RAB6B: variants seen among roughly 807,000 people sequenced by gnomAD.
The protein encoded by RAB6B is RAB6B, member RAS oncogene family.
A neutral mutation model predicts 31.2 loss-of-function variants in RAB6B; 7 were observed. The ratio of observed to expected loss-of-function variants is 0.22; its 90% CI spans 0.13 to 0.42. The LOEUF is 0.42. Among genes scored for constraint, RAB6B ranks in the 10% least tolerant of loss-of-function variants. RAB6B has a pLI of 1.00. For missense variants in RAB6B, 149 were observed against 280.6 expected (o/e 0.53, Z 3.35); for synonymous variants, 105 against 104.9 (o/e 1.00, Z -0.01).
intron 1 of RAB6B, among the ~76,000 whole-genome samples, chr3:133,882,772 G>A (rs981726095): frequency 6.6e-6 from 1 of 152,238 alleles, no homozygotes; most frequent in African/African-American, 2.4e-5. Flanking sequence ...AGAGGCAGGA[G>A]AGGAGCTGAG....
In RAB6B at chr3:133,864,698, T is replaced by C. The variant is rs1936211054; in HGVS notation, c.71-56A>G. 4 of 1,468,720 alleles carry C rather than the reference T, an allele frequency of 2.7e-6. 1 individual carries two copies. The South Asian group carries it at 4.5e-5, about 17-fold the overall frequency. 91.0% of individuals were successfully genotyped at this position (1,468,720 alleles called of 1,614,324 possible). On this transcript the variant is annotated intron_variant, in intron 1 of 7. Coordinates refer to ENST00000285208, the MANE Select transcript of RAB6B (RefSeq NM_016577.4). ...TCATGGCATCTGAGCTAGGCTCTTC[T>C]AAACACACTGCATTTGAAGAAAAGA...
chr3:133,831,581 C>T (rs766405123), intron 7 of RAB6B, among the ~76,000 whole-genome samples: 14 of 152,224 alleles, frequency 9.2e-5, no homozygotes, highest in Non-Finnish European at 1.3e-4. Flanking sequence ...TTCCTTGTTA[C>T]GCCACATGCT....
chr3:133,844,098 C>T (rs1935874845), intron 2 of RAB6B, among the ~76,000 whole-genome samples: 1 of 152,204 alleles, frequency 6.6e-6, no homozygotes, highest in South Asian at 2.1e-4. Flanking sequence ...TCACATGTCA[C>T]AAGGCACTTC....
intron 1 of RAB6B, among the ~76,000 whole-genome samples, chr3:133,893,758 C>T (rs1197376682): frequency 1.3e-5 from 2 of 152,140 alleles, no homozygotes; most frequent in Non-Finnish European, 2.9e-5. Context: ...AAGAATTCAA[C>T]CCCCAGGCTG....
intron 1 of RAB6B, among the ~76,000 whole-genome samples, chr3:133,891,033 G>A (rs1936630955): frequency 6.6e-6 from 1 of 152,178 alleles, no homozygotes; most frequent in South Asian, 2.1e-4. Flanking sequence ...ATTGGTGGGA[G>A]GAGGAAACTT....
At chr3:133,844,439 T>C (rs1935880010) in intron 2 of RAB6B, among the ~76,000 whole-genome samples, 1 of 152,202 alleles carries the variant, frequency 6.6e-6, no homozygotes, top group South Asian at 2.1e-4. Flanking sequence ...ACTGAAGAAC[T>C]TCTATAGCTG....
At chr3:133,853,464 T>C (rs1936030373) in intron 2 of RAB6B, among the ~76,000 whole-genome samples, 1 of 151,086 alleles carries the variant, frequency 6.6e-6, no homozygotes, top group Admixed American at 6.6e-5. Flanking sequence ...GGGGAGCATA[T>C]GTCTGCCGGC....
intron 1 of RAB6B, among the ~76,000 whole-genome samples, chr3:133,868,244 A>T (rs1032404583): frequency 2.6e-5 from 4 of 152,302 alleles, no homozygotes; most frequent in African/African-American, 9.6e-5. Context: ...AGAACCTGCA[A>T]ATGGAGAACT....
intron 1 of RAB6B, among the ~76,000 whole-genome samples, chr3:133,867,967 G>C (rs1255726257): frequency 1.3e-5 from 2 of 152,142 alleles, no homozygotes; most frequent in East Asian, 1.9e-4. Flanking sequence ...CTTCTGCCAG[G>C]GTAATGTGTG....
intron 1 of RAB6B, among the ~76,000 whole-genome samples, chr3:133,865,253 T>A (rs1936221399): frequency 6.6e-6 from 1 of 152,120 alleles, no homozygotes; most frequent in African/African-American, 2.4e-5. Flanking sequence ...GCCAGGAGGA[T>A]CCCCAGTCAC....
At position 133,838,114 on chromosome 3, in the gene RAB6B, G is replaced by T. The variant is rs1029193182; in HGVS notation, c.495+52C>A. On this transcript the variant is annotated intron_variant, in intron 6 of 7. Coordinates refer to ENST00000285208, the MANE Select transcript of RAB6B (RefSeq NM_016577.4). ...GCTCTGAGCCTGCAGCTGACCACAG[G>T]GCTACACCGTGCCGGGCCCCGTGCC... 3.9e-6 allele frequency: 6 copies of T among 1,541,294 alleles called. No homozygotes were observed. In the Admixed American group the frequency reaches 6.7e-5, roughly 17 times the overall value.
chr3:133,831,688 C>G (rs377620066), intron 7 of RAB6B, among the ~76,000 whole-genome samples: 1 of 152,206 alleles, frequency 6.6e-6, no homozygotes, highest in African/African-American at 2.4e-5. Context: ...GGGAAACTCA[C>G]GGTTTCTCAC....
At chr3:133,862,579 C>T (rs1418035675) in intron 2 of RAB6B, among the ~76,000 whole-genome samples, 1 of 152,192 alleles carries the variant, frequency 6.6e-6, no homozygotes, top group Admixed American at 6.5e-5. Flanking sequence ...AAGGGCATTC[C>T]GGCAGAGGCA....
intron 1 of RAB6B, among the ~76,000 whole-genome samples, chr3:133,886,175 T>G (rs1215809135): frequency 6.6e-6 from 1 of 152,174 alleles, no homozygotes; most frequent in East Asian, 1.9e-4. Context: ...CTGGGCATGG[T>G]CAGGCCCTCT....
intron 2 of RAB6B, among the ~76,000 whole-genome samples, chr3:133,856,894 T>C (rs1440273064): frequency 7.2e-5 from 11 of 152,154 alleles, no homozygotes; most frequent in Admixed American, 7.2e-4. Context: ...TGTCACCTCA[T>C]ATTGTGACCC....
chr3:133,883,711 A>G (rs1019732775), intron 1 of RAB6B, among the ~76,000 whole-genome samples: 1 of 152,220 alleles, frequency 6.6e-6, no homozygotes, highest in African/African-American at 2.4e-5. Flanking sequence ...TGCAGTGTTT[A>G]TTCCCCCCAC....
At chr3:133,867,644 C>T (rs1936255966) in intron 1 of RAB6B, among the ~76,000 whole-genome samples, 1 of 152,176 alleles carries the variant, frequency 6.6e-6, no homozygotes, top group Non-Finnish European at 1.5e-5. Flanking sequence ...ACAGCCCGTC[C>T]CAGGCCAAGT....
chr3:133,848,429 G>A (rs1447478877), intron 2 of RAB6B, among the ~76,000 whole-genome samples: 1 of 152,202 alleles, frequency 6.6e-6, no homozygotes, highest in African/African-American at 2.4e-5. Context: ...GCTTTCCACT[G>A]TAATTAATCT....
intron 7 of RAB6B, among the ~76,000 whole-genome samples, chr3:133,829,779 TTC>T (rs1362599712): frequency 2.0e-5 from 3 of 152,204 alleles, no homozygotes; most frequent in Admixed American, 6.5e-5. Context: ...GAAGTTCACA[TTC>T]TCTTTCCTTG....
Sources: gnomAD v4.1 joint callset for allele counts (sites outside exome capture counted in the v4.1 genomes callset) on GRCh38, gnomAD v4.1.1 for gene constraint, MANE v1.5 for transcripts, NCBI Gene and HGNC (gene_info 2026-07-23, HGNC 2026-07-21) for gene names.